The following SRR variants were observed in gnomAD, a reference collection of about 807,000 sequenced individuals.
SRR encodes the protein D-serine ammonia-lyase.
Under a neutral mutation model 32.7 loss-of-function variants are expected in SRR, and 19 were observed. The ratio of observed to expected loss-of-function variants is 0.58; its 90% confidence interval spans 0.40 to 0.85. The LOEUF (loss-of-function observed/expected upper bound fraction) is 0.85. SRR is among the 40% of genes least tolerant of loss of function. SRR has a pLI of 0.00. For synonymous variants in SRR, 142 were observed against 140.9 expected (o/e 1.01, Z -0.06); for missense variants, 373 against 404.7 (o/e 0.92, Z 0.67).
At chr17:2,318,199 C>T (rs973254412) in intron 3 of SRR, among the ~76,000 whole-genome samples, 3 of 152,050 alleles carry the variant, frequency 2.0e-5, no homozygotes, top group Admixed American at 6.6e-5. Flanking sequence ...GGCTGGAGAG[C>T]GGTGACGCGA....
upstream of SRR, chr17:2,303,794 GGC>G (rs1050122737): frequency 1.8e-5 from 23 of 1,282,550 alleles, no homozygotes; most frequent in Middle Eastern, 2.3e-4. Flanking sequence ...ACAGACGGGC[GGC>G]GCGCGCGCTC....
At chr17:2,307,394 G>A in intron 1 of SRR, 2 of 1,160,756 alleles carry the variant, frequency 1.7e-6, no homozygotes, top group East Asian at 2.3e-5. Flanking sequence ...GGTTTCGGTA[G>A]GAATGACAAC....
intron 1 of SRR, chr17:2,306,845 G>T: frequency 2.5e-6 from 2 of 816,026 alleles, no homozygotes; most frequent in Non-Finnish European, 4.2e-6. Flanking sequence ...ACCAATGAGA[G>T]CCTGAGGAGC....
chr17:2,303,385 C>T (rs2075330404), upstream of SRR: 1 of 1,237,156 alleles, frequency 8.1e-7, no homozygotes, highest in Non-Finnish European at 1.0e-6. Context: ...ACCTTCGCGG[C>T]GAGAAAGAGG....
intron 1 of SRR, 103 bp from the exon 2 acceptor site, chr17:2,315,454 A>C: frequency 9.0e-7 from 1 of 1,115,064 alleles, no homozygotes; most frequent in Non-Finnish European, 1.2e-6. Context: ...TCCACATGAC[A>C]CCACAGGCCC....
rs2075548938 is a variant in SRR at position 2,323,227 on chromosome 17, A to G, written c.686A>G (p.Asn229Ser). 2 of 1,614,232 alleles carry G rather than the reference A, an allele frequency of 1.2e-6. No homozygotes were observed. The highest frequency in any genetic ancestry group is 1.7e-6 in the Non-Finnish European group (2 of 1,180,042). The change falls in exon 7 of 8, where the codon AAT (asparagine) becomes AGT (serine). Residue 229 changes from asparagine (N) to serine (S), a missense_variant. By Grantham distance (46) the Asn-to-Ser change is conservative. Coordinates refer to ENST00000344595, the MANE Select transcript of SRR (RefSeq NM_021947.3). The stretch of plus-strand genomic sequence containing the variant: ...AAGCTGAAGGGGAAACTGATGCCCA[A>G]TCTTTATCCTCCAGAAACCATAGCA... ...QSKLKGKLMP[N>S]LYPPETIADG...
intron 6 of SRR, 23 bp downstream of exon 6, chr17:2,321,639 C>A: frequency 6.2e-7 from 1 of 1,609,252 alleles, no homozygotes; most frequent in South Asian, 1.1e-5. Context: ...TGGAGGATTC[C>A]CTGCTTCAAG....
At chr17:2,319,076 A>G (rs1016381959) in intron 4 of SRR, 147 bp downstream of exon 4, 6 of 553,060 alleles carry the variant, frequency 1.1e-5, no homozygotes, top group African/African-American at 7.7e-5. Context: ...ATCTACACTC[A>G]CAAGATCTCA....
At chr17:2,320,609 T>C (rs987375270) in intron 4 of SRR, among the ~76,000 whole-genome samples, 1 of 151,998 alleles carries the variant, frequency 6.6e-6, no homozygotes, top group Admixed American at 6.6e-5. Context: ...CAACCCAGGC[T>C]GGAGTGCGGT....
At position 2,323,800 on chromosome 17, in the gene SRR, T is replaced by G; in HGVS notation, c.950T>G (p.Val317Gly). 1 of 1,614,220 alleles carries G rather than the reference T, an allele frequency of 6.2e-7. No homozygotes were observed. The highest frequency in any genetic ancestry group is 2.2e-5 in the East Asian group (1 of 44,886). The stretch of plus-strand genomic sequence containing the variant: ...TGTATTGTGCTCAGTGGTGGAAATG[T>G]AGACTTAACCTCCTCCATAACTTGG... ...NICIVLSGGN[V>G]DLTSSITWVK... The change falls in exon 8 of 8, where the codon GTA becomes GGA. Residue 317 changes from valine to glycine, a missense_variant. By Grantham distance (109) the Val-to-Gly change is moderately radical (BLOSUM62 -3). Coordinates refer to ENST00000344595, the MANE Select transcript of SRR (RefSeq NM_021947.3).
intron 1 of SRR, among the ~76,000 whole-genome samples, chr17:2,309,105 C>T (rs938186133): frequency 3.3e-5 from 5 of 151,998 alleles, no homozygotes; most frequent in Admixed American, 6.6e-5. Flanking sequence ...GCAACAAGAG[C>T]GAAACTCCAT....
rs1381921728 is a variant in SRR at position 2,307,438 on chromosome 17, G to A, written c.-5+3421G>A. The A allele has an allele frequency of 7.3e-6, 10 of 1,371,852 alleles. No homozygotes were observed. The East Asian group carries it at 2.3e-4, about 31-fold the overall frequency. The allele number at this position is 1,371,852 out of a possible 1,614,324, so 85.0% of individuals were successfully genotyped here. A position where few individuals can be genotyped will look rare whatever the true frequency, so the allele number is the denominator to read the frequency against. ...TGAAGGAAATTTCAGTGGTCATGGT[G>A]GCTTTGGTGGCAGCTGTGGTGGTGG... On this transcript the variant is annotated intron_variant, in intron 1 of 7. Transcript: ENST00000344595.
upstream of SRR, chr17:2,303,906 C>G: frequency 3.4e-5 from 10 of 291,638 alleles, no homozygotes; most frequent in East Asian, 5.7e-4. Context: ...TCCAGAGGGG[C>G]GGGACCGGAG....
rs1464399343 is a variant in SRR, at chr17:2,304,012, G to C, written c.-10G>C. 5 of 303,128 alleles carry C rather than the reference G, an allele frequency of 1.6e-5. No individual in the cohort carries two copies. The highest frequency in any genetic ancestry group is 1.1e-4 in the African/African-American group (5 of 44,926). The allele number at this position is 303,128 out of a possible 1,614,324, so 18.8% of individuals were successfully genotyped here. On this transcript the variant is annotated 5_prime_UTR_variant, in exon 1 of 8. Transcript: ENST00000344595. ...GGAGCTGGAGGCGCGGCGCCGGTGAGCTGAGGTGAGGCGAGGCCGGGCCGT... is the reference window on the plus strand; with the variant it reads ...GGAGCTGGAGGCGCGGCGCCGGTGACCTGAGGTGAGGCGAGGCCGGGCCGT...
rs916010789 is a variant in SRR at position 2,324,341 on chromosome 17, C to G, written c.*468C>G. On this transcript the variant is annotated 3_prime_UTR_variant, in exon 8 of 8. Transcript: ENST00000344595. ...TACTGTGTCTTGAGATTTTAGCTTC[C>G]CATCAAAGCTGCATTTCATGTGGCC... 1.3e-6 allele frequency: 2 copies of G among 1,561,676 alleles called. No homozygotes were observed. Among genetic ancestry groups the G allele is most frequent in the Non-Finnish European group, 8.6e-7 (1 of 1,157,894 alleles).
At chr17:2,308,217 T>C (rs1470783883) in intron 1 of SRR, among the ~76,000 whole-genome samples, 1 of 152,120 alleles carries the variant, frequency 6.6e-6, no homozygotes, top group East Asian at 1.9e-4. Context: ...TAAGTAACCT[T>C]ATATGCTTTC....
Position 2,321,523 on chromosome 17 carries a change from G to T in SRR, c.520-19G>T. On this transcript the variant is annotated intron_variant, in intron 5 of 7. Coordinates refer to ENST00000344595, the MANE Select transcript of SRR (RefSeq NM_021947.3). ...TACATTAAATATAAAACTGCTTACA[G>T]TTTATATTTTCACTAAAGGTTCCTT... The T allele has an allele frequency of 6.2e-7, 1 of 1,613,724 alleles. No homozygotes were observed. Among genetic ancestry groups the T allele is most frequent in the Non-Finnish European group, 8.5e-7 (1 of 1,179,714 alleles).
rs780526426 is a variant in SRR, at chr17:2,315,618, C to T, written c.58C>T (p.Arg20Ter). ...TGTTGAAAAAGCTCATATCAACATT[C>T]GAGATTCTATCCACCTCACACCAGT... The part of the protein sequence containing the change: ...ADVEKAHINI[R>*]DSIHLTPVLT... Residue 20 changes from arginine to a stop codon, truncating the protein, a stop_gained, in exon 2 of 8, where the codon CGA becomes TGA. Coordinates refer to ENST00000344595, the MANE Select transcript of SRR (RefSeq NM_021947.3). LOFTEE classifies it high-confidence loss of function. 15 of 1,613,916 alleles carry T rather than the reference C, an allele frequency of 9.3e-6. No homozygotes were observed. The highest frequency in any genetic ancestry group is 7.7e-5 in the South Asian group (7 of 91,076).
chr17:2,303,716 G>A, upstream of SRR: 1 of 1,491,998 alleles, frequency 6.7e-7, no homozygotes, highest in South Asian at 1.3e-5. Flanking sequence ...CAGCCCTTCC[G>A]CCATCTTCGC....
Sources: allele counts gnomAD v4.1 joint callset (sites outside exome capture counted in the v4.1 genomes callset), GRCh38; gene constraint gnomAD v4.1.1; transcripts MANE v1.5; gene names NCBI Gene and HGNC (gene_info 2026-07-23, HGNC 2026-07-21).